Variants in SLC14A1 observed in about 807,000 individuals in gnomAD.
SLC14A1 encodes urea transporter 1.
In SLC14A1, 36 loss-of-function variants were observed where a neutral mutation model predicts 39.6. The observed-to-expected ratio is 0.91, with a 90% CI of 0.70 to 1.20. The LOEUF (loss-of-function observed/expected upper bound fraction) is 1.20. SLC14A1 is among the 50% of genes most tolerant of loss of function. SLC14A1 has a pLI of 0.00. For synonymous variants in SLC14A1, 164 were observed against 173.6 expected (o/e 0.94, Z 0.43); for missense variants, 469 against 478.7 (o/e 0.98, Z 0.19).
At chr18:45,749,675 G>T in intron 9 of SLC14A1, 103 bp from the exon 10 acceptor site, 3 of 1,322,420 alleles carry the variant, frequency 2.3e-6, no homozygotes, top group Non-Finnish European at 2.2e-6. Context: ...TGCCCCCAGT[G>T]GTTCATCCCC....
intron 8 of SLC14A1, among the ~76,000 whole-genome samples, chr18:45,743,706 G>A (rs1218054717): frequency 1.3e-5 from 2 of 152,126 alleles, no homozygotes. Flanking sequence ...TTAAAAGTCT[G>A]GAAAAACAGT....
intron 8 of SLC14A1, among the ~76,000 whole-genome samples, chr18:45,743,625 G>C (rs1319330877): frequency 6.6e-6 from 1 of 152,140 alleles, no homozygotes; most frequent in Non-Finnish European, 1.5e-5. Flanking sequence ...CAGTTGTTCT[G>C]ATGATTAAGT....
chr18:45,751,680 T>C lies in SLC14A1; in HGVS notation c.*1729T>C. 2 of 419,312 alleles carry C rather than the reference T, an allele frequency of 4.8e-6. No homozygotes were observed. The highest frequency in any genetic ancestry group is 6.4e-6 in the Non-Finnish European group (2 of 313,328). 26.0% of individuals were successfully genotyped at this position (419,312 alleles called of 1,614,324 possible). ...CATCTGCAGCAGCTACTCAGGAGGC[T>C]GAGGTGGAAAGATCGCTTGTGCACA... is the stretch of plus-strand genomic sequence containing the variant. On this transcript the variant is annotated 3_prime_UTR_variant, in exon 10 of 10. Transcript: ENST00000321925.
chr18:45,738,919 G>T (rs993861766), intron 6 of SLC14A1, among the ~76,000 whole-genome samples: 1 of 152,174 alleles, frequency 6.6e-6, no homozygotes, highest in Non-Finnish European at 1.5e-5. Flanking sequence ...AGCACAGGGG[G>T]AGCTTTGAGA....
chr18:45,749,008 A>G (rs2047632923), intron 9 of SLC14A1, among the ~76,000 whole-genome samples: 1 of 152,202 alleles, frequency 6.6e-6, no homozygotes, highest in Non-Finnish European at 1.5e-5. Flanking sequence ...GAAGATTCAC[A>G]GGCATCAGTC....
In SLC14A1 at chr18:45,731,157, G is replaced by T. The variant is rs752058156; in HGVS notation, c.294G>T (p.Leu98=). Residue 98 remains leucine, a synonymous_variant, in exon 4 of 10, where the codon CTG becomes CTT. Coordinates refer to ENST00000321925, the MANE Select transcript of SLC14A1 (RefSeq NM_015865.7). ...QNPWWALTGW[L]GTVVSTLMAL... ...CCTGGTGGGCTCTCACTGGCTGGCTGGGAACAGTGGTCTCCACTCTGATGG... is the reference window on the plus strand; with the variant it reads ...CCTGGTGGGCTCTCACTGGCTGGCTTGGAACAGTGGTCTCCACTCTGATGG... The T allele has an allele frequency of 1.2e-6, 2 of 1,614,092 alleles. No individual in the cohort carries two copies. The highest frequency in any genetic ancestry group is 1.7e-6 in the Non-Finnish European group (2 of 1,180,002).
intron 2 of SLC14A1, among the ~76,000 whole-genome samples, chr18:45,728,759 C>A (rs571897209): frequency 7.9e-5 from 12 of 152,264 alleles, no homozygotes; most frequent in Non-Finnish European, 1.5e-4. Flanking sequence ...GCAAGTCACA[C>A]AGATGTTGGT....
In SLC14A1 at chr18:45,749,802, C is replaced by T. The variant is rs1369878410; in HGVS notation, c.1021C>T (p.Pro341Ser). 3.1e-6 allele frequency: 5 copies of T among 1,614,160 alleles called. No homozygotes were observed. Among genetic ancestry groups the T allele is most frequent in the Middle Eastern group, 1.6e-4 (1 of 6,062 alleles). The change falls in exon 10 of 10, where the codon CCC becomes TCC. Residue 341 changes from proline to serine, a missense_variant. Pro to Ser is a moderately conservative substitution (Grantham distance 74). Coordinates refer to ENST00000321925, the MANE Select transcript of SLC14A1 (RefSeq NM_015865.7). ...AEVGLPACTW[P>S]FCLATLLFLI... ...GGTTGGATTGCCAGCTTGTACCTGG[C>T]CCTTCTGTTTGGCCACGCTATTGTT...
chr18:45,733,331 A>G (rs1166881055), intron 4 of SLC14A1, among the ~76,000 whole-genome samples: 2 of 152,258 alleles, frequency 1.3e-5, no homozygotes, highest in Non-Finnish European at 1.5e-5. Flanking sequence ...CAACATGCAC[A>G]TAATTAAATG....
chr18:45,746,970 C>A (rs763259873), intron 8 of SLC14A1, among the ~76,000 whole-genome samples: 2 of 152,134 alleles, frequency 1.3e-5, no homozygotes, highest in Non-Finnish European at 2.9e-5. Flanking sequence ...ACAATTCATA[C>A]GTGAAAGAAT....
rs898289937 is a variant in SLC14A1, at chr18:45,732,173, G to A, written c.341+969G>A. Reference sequence around the variant, plus strand: ...AACATGATCAACTCATTTTTTGTCAGATATTATTTAGAAGACAAGTCATTT... The same window carrying A: ...AACATGATCAACTCATTTTTTGTCAAATATTATTTAGAAGACAAGTCATTT... On this transcript the variant is annotated intron_variant, in intron 4 of 9. Coordinates refer to ENST00000321925, the MANE Select transcript of SLC14A1 (RefSeq NM_015865.7). Among the ~76,000 whole-genome samples the A allele has an allele frequency of 5.3e-5, 8 of 152,224 alleles. No individual in the cohort carries two copies. The East Asian group carries it at 1.5e-3, about 29-fold the overall frequency.
At position 45,739,302 on chromosome 18, in the gene SLC14A1, T is replaced by A. The variant is rs771715574; in HGVS notation, c.803T>A (p.Ile268Lys). The change falls in exon 7 of 10, where the codon ATA becomes AAA. Residue 268 changes from isoleucine (I) to lysine (K), a missense_variant. Ile to Lys is a moderately radical substitution (Grantham distance 102). Coordinates refer to ENST00000321925, the MANE Select transcript of SLC14A1 (RefSeq NM_015865.7). ...GCTGCCATAGGATCATTGCTGGGCA[T>A]AGCAGCGGGTGAGCACAAGAGCCCT... is the stretch of plus-strand genomic sequence containing the variant. The part of the protein sequence containing the change: ...LHAAIGSLLG[I>K]AAGLSLSAPF... 3.1e-6 allele frequency: 5 copies of A among 1,614,054 alleles called. No homozygotes were observed. In the African/African-American group the frequency reaches 6.7e-5, roughly 22 times the overall value.
intron 7 of SLC14A1, 107 bp downstream of exon 7, chr18:45,739,417 G>T: frequency 3.7e-6 from 6 of 1,605,828 alleles, no homozygotes; most frequent in South Asian, 1.1e-5. Context: ...GCTTCCTAGG[G>T]ACCAATGGGA....
rs761479141 is a variant in SLC14A1, at chr18:45,736,591, G to T, written c.606G>T (p.Leu202=). 1.2e-6 allele frequency: 2 copies of T among 1,614,090 alleles called. No homozygotes were observed. Among genetic ancestry groups the T allele is most frequent in the South Asian group, 2.2e-5 (2 of 91,064 alleles). ...GHYNPFFPAK[L]VIPITTAPNI... is the part of the protein sequence containing the mutation. ...ACAATCCATTCTTTCCAGCCAAACT[G>T]GTCATACCTATAACTACAGCTCCAA... The change falls in exon 6 of 10, where the codon CTG becomes CTT. Residue 202 remains leucine (L), a synonymous_variant. Transcript: ENST00000321925.
At chr18:45,746,328 G>A (rs1286400685) in intron 8 of SLC14A1, among the ~76,000 whole-genome samples, 2 of 152,150 alleles carry the variant, frequency 1.3e-5, no homozygotes, top group Non-Finnish European at 2.9e-5. Flanking sequence ...GCAGAATTGC[G>A]CCTCTACTGT....
At chr18:45,727,085 G>T in intron 2 of SLC14A1, 2 of 577,584 alleles carry the variant, frequency 3.5e-6, no homozygotes, top group South Asian at 2.2e-5. Flanking sequence ...GAGCTCTTTG[G>T]TGAAGGCAAA....
At chr18:45,743,115 A>G (rs2047435427) in intron 8 of SLC14A1, among the ~76,000 whole-genome samples, 1 of 152,262 alleles carries the variant, frequency 6.6e-6, no homozygotes, top group Non-Finnish European at 1.5e-5. Context: ...ATAAAACAAA[A>G]CAAAAATGTA....
At chr18:45,739,869 G>A (rs1170869881) in intron 8 of SLC14A1, 1 of 630,836 alleles carries the variant, frequency 1.6e-6, no homozygotes, top group Admixed American at 2.6e-5. Flanking sequence ...TGATTGTGAA[G>A]GCAGGAGCCT....
At chr18:45,738,002 CAAAA>C (rs912350596) in intron 6 of SLC14A1, among the ~76,000 whole-genome samples, 42 of 152,006 alleles carry the variant, frequency 2.8e-4, no homozygotes, top group African/African-American at 9.7e-4. Context: ...AACAAACAAA[CAAAA>C]AAAGCATATG....
Sources: gnomAD v4.1 joint callset for allele counts (sites outside exome capture counted in the v4.1 genomes callset) on GRCh38, gnomAD v4.1.1 for gene constraint, MANE v1.5 for transcripts, NCBI Gene and HGNC (gene_info 2026-07-23, HGNC 2026-07-21) for gene names.